The following EBF1 variants were observed in gnomAD, a reference collection of about 807,000 sequenced individuals.
EBF1 encodes the protein transcription factor COE1.
A neutral mutation model predicts 68.4 loss-of-function variants in EBF1; 10 were observed. That is an observed-to-expected ratio of 0.15 (90% confidence interval 0.09 to 0.25). The LOEUF (loss-of-function observed/expected upper bound fraction) is 0.25. Ranked by LOEUF, EBF1 falls within the 10% of genes least tolerant of loss-of-function variation. EBF1 has a pLI of 1.00. For synonymous variants in EBF1, 298 were observed against 299.8 expected (o/e 0.99, Z 0.06); for missense variants, 509 against 794.4 (o/e 0.64, Z 4.32).
At chr5:158,998,285 T>C (rs773271621) in intron 6 of EBF1, among the ~76,000 whole-genome samples, 18 of 152,218 alleles carry the variant, frequency 1.2e-4, no homozygotes, top group Non-Finnish European at 7.3e-5. Context: ...TCTTGCTTTC[T>C]GCTCAGATGC....
At chr5:159,099,153 T>C (rs1783176937) in intron 1 of EBF1, among the ~76,000 whole-genome samples, 192 bp downstream of exon 1, 1 of 152,078 alleles carries the variant, frequency 6.6e-6, no homozygotes. Context: ...CAGCTCCAGG[T>C]CCTCCGGCCG....
At chr5:158,721,940 T>C (rs967139353) in intron 11 of EBF1, among the ~76,000 whole-genome samples, 4 of 151,902 alleles carry the variant, frequency 2.6e-5, no homozygotes, top group Admixed American at 2.0e-4. Flanking sequence ...CATTTTCTTC[T>C]AAATGGTGTC....
intron 9 of EBF1, among the ~76,000 whole-genome samples, chr5:158,795,628 G>A (rs1442227820): frequency 1.3e-5 from 2 of 152,198 alleles, no homozygotes; most frequent in African/African-American, 4.8e-5. Flanking sequence ...CACAATGGCA[G>A]ATTTGCCACG....
At chr5:158,773,616 C>A (rs1402488656) in intron 10 of EBF1, among the ~76,000 whole-genome samples, 1 of 151,860 alleles carries the variant, frequency 6.6e-6, no homozygotes, top group Non-Finnish European at 1.5e-5. Flanking sequence ...TCATATATTC[C>A]CCGAGAATAT....
At chr5:158,757,266 C>T (rs1253392928) in intron 10 of EBF1, among the ~76,000 whole-genome samples, 1 of 152,150 alleles carries the variant, frequency 6.6e-6, no homozygotes, top group African/African-American at 2.4e-5. Context: ...GTGATCAGTA[C>T]AATACCACCC....
intron 9 of EBF1, among the ~76,000 whole-genome samples, chr5:158,784,549 T>C (rs1334371350): frequency 4.6e-5 from 7 of 151,948 alleles, no homozygotes; most frequent in African/African-American, 1.7e-4. Flanking sequence ...TTCCAACCAA[T>C]AGGAGTAGGT....
At chr5:158,795,183 T>C (rs879296133) in intron 9 of EBF1, among the ~76,000 whole-genome samples, 2 of 152,170 alleles carry the variant, frequency 1.3e-5, no homozygotes, top group African/African-American at 2.4e-5. Flanking sequence ...CTCATCTGCA[T>C]GGCCCCTCTA....
At chr5:158,976,327 G>A (rs1026326814) in intron 6 of EBF1, among the ~76,000 whole-genome samples, 3 of 151,974 alleles carry the variant, frequency 2.0e-5, no homozygotes, top group Non-Finnish European at 2.9e-5. Flanking sequence ...TTCTTTGTTG[G>A]GTACTTTTCC....
chr5:158,827,865 T>C (rs1786542643), intron 7 of EBF1, among the ~76,000 whole-genome samples: 1 of 152,190 alleles, frequency 6.6e-6, no homozygotes, highest in African/African-American at 2.4e-5. Context: ...GATTAGACCA[T>C]AAATATATTT....
intron 6 of EBF1, among the ~76,000 whole-genome samples, chr5:159,016,772 G>C (rs145778267): frequency 8.9e-4 from 135 of 152,250 alleles, no homozygotes; most frequent in African/African-American, 3.1e-3. Flanking sequence ...TCTATCCTTG[G>C]ATCAAAACTG....
At chr5:158,994,890 C>T (rs1003003771) in intron 6 of EBF1, among the ~76,000 whole-genome samples, 6 of 152,108 alleles carry the variant, frequency 3.9e-5, no homozygotes, top group African/African-American at 7.2e-5. Context: ...TTTTGATTAT[C>T]AAAAATTTAT....
intron 6 of EBF1, among the ~76,000 whole-genome samples, chr5:158,945,628 G>A (rs1814492038): frequency 6.6e-6 from 1 of 152,160 alleles, no homozygotes; most frequent in African/African-American, 2.4e-5. Context: ...TTCAACCTTG[G>A]TGAATCTGAC....
chr5:159,081,238 C>A (rs201559064), intron 5 of EBF1, among the ~76,000 whole-genome samples: 2 of 152,218 alleles, frequency 1.3e-5, no homozygotes, highest in East Asian at 3.8e-4. Context: ...CCACCCTGGC[C>A]TCCCAAAGGG....
chr5:159,067,314 T>G (rs1777020501), intron 6 of EBF1, among the ~76,000 whole-genome samples: 1 of 152,188 alleles, frequency 6.6e-6, no homozygotes, highest in South Asian at 2.1e-4. Flanking sequence ...AAAGCAAAGT[T>G]ATGATGACAT....
intron 8 of EBF1, among the ~76,000 whole-genome samples, chr5:158,807,852 G>A (rs578234679): frequency 1.5e-3 from 221 of 152,274 alleles, no homozygotes; most frequent in Non-Finnish European, 2.5e-3. Context: ...AGCATAGATA[G>A]TGACTTTTTA....
At chr5:158,731,842 T>A (rs749246883) in intron 10 of EBF1, among the ~76,000 whole-genome samples, 1 of 152,194 alleles carries the variant, frequency 6.6e-6, no homozygotes, top group Non-Finnish European at 1.5e-5. Flanking sequence ...TCTCCAAGAA[T>A]AATCCTTGAA....
intron 6 of EBF1, among the ~76,000 whole-genome samples, chr5:158,913,176 G>A (rs1302183552): frequency 6.6e-6 from 1 of 152,148 alleles, no homozygotes; most frequent in African/African-American, 2.4e-5. Flanking sequence ...ATAGAGTTCT[G>A]GGATTTTTAA....
intron 15 of EBF1, among the ~76,000 whole-genome samples, chr5:158,703,311 C>G (rs548939512): frequency 1.4e-4 from 21 of 152,306 alleles, no homozygotes; most frequent in African/African-American, 5.1e-4. Flanking sequence ...AAAGAGGTAT[C>G]TCTGCATTTT....
intron 6 of EBF1, among the ~76,000 whole-genome samples, chr5:159,057,104 C>CTTTTTTTTTTTTTTTTTTT (rs1205129627): frequency 4.4e-4 from 49 of 110,642 alleles, no homozygotes; most frequent in East Asian, 1.2e-3. Flanking sequence ...CTTTTCTTTT[C>CTTTTTTTTTTTTTTTTTTT]TTTTTTTTTT....
Sources: gnomAD v4.1 joint callset for allele counts (sites outside exome capture counted in the v4.1 genomes callset) on GRCh38, gnomAD v4.1.1 for gene constraint, MANE v1.5 for transcripts, NCBI Gene and HGNC (gene_info 2026-07-23, HGNC 2026-07-21) for gene names.